Variants in SLC5A8 observed in about 807,000 individuals in gnomAD.
The protein encoded by SLC5A8 is sodium-coupled monocarboxylate transporter 1.
Under a neutral mutation model 71.9 loss-of-function variants are expected in SLC5A8, and 55 were observed. That is an observed-to-expected ratio of 0.77 (90% CI 0.62 to 0.96). The LOEUF (loss-of-function observed/expected upper bound fraction) is 0.96. Ranked by LOEUF, SLC5A8 falls within the 40% of genes least tolerant of loss-of-function variation. SLC5A8 has a pLI of 0.00. For missense variants in SLC5A8, 701 were observed against 745.3 expected (o/e 0.94, Z 0.69); for synonymous variants, 307 against 276.1 (o/e 1.11, Z -1.11).
At chr12:101,205,155 T>C (rs1466241332) in intron 1 of SLC5A8, among the ~76,000 whole-genome samples, 1 of 152,178 alleles carries the variant, frequency 6.6e-6, no homozygotes, top group East Asian at 1.9e-4. Context: ...ATTGGGTATT[T>C]GAATCTTAAA....
chr12:101,179,320 T>G (rs2051910310), intron 10 of SLC5A8, among the ~76,000 whole-genome samples: 2 of 152,214 alleles, frequency 1.3e-5, no homozygotes, highest in Admixed American at 1.3e-4. Context: ...AAATGAAGAC[T>G]TATGCTCACA....
chr12:101,158,268 T>C lies in SLC5A8; in HGVS notation c.1691A>G (p.Asn564Ser), dbSNP rs1177418877. 2 of 1,589,986 alleles carry C rather than the reference T, an allele frequency of 1.3e-6. No homozygotes were observed. The highest frequency in any genetic ancestry group is 2.2e-5 in the East Asian group (1 of 44,464). The change falls in exon 14 of 15, where the codon AAT becomes AGT. Residue 564 changes from asparagine to serine, a missense_variant. Asn to Ser is a conservative substitution (Grantham distance 46). Coordinates refer to ENST00000536262, the MANE Select transcript of SLC5A8 (RefSeq NM_145913.5). ...YILTKEDFLS[N>S]FDIFKKKKHV... ...ACTCACTTTCTTAAAAATATCAAAA[T>C]TGGATAAAAAGTCCTCTTTGGTTAG... is the stretch of plus-strand genomic sequence containing the variant.
At chr12:101,177,991 C>T (rs568656159) in intron 10 of SLC5A8, among the ~76,000 whole-genome samples, 2 of 152,142 alleles carry the variant, frequency 1.3e-5, no homozygotes, top group South Asian at 4.1e-4. Context: ...AGGAATATAA[C>T]AAAACAAACT....
Position 101,165,942 on chromosome 12 carries a change from C to T in SLC5A8, c.1526+552G>A, listed in dbSNP as rs117030382. Among the ~76,000 whole-genome samples the T allele has an allele frequency of 8.7e-4, 132 of 152,244 alleles. 1 individual carries two copies. Among genetic ancestry groups the T allele is most frequent in the South Asian group, 5.8e-3 (28 of 4,826 alleles). On this transcript the variant is annotated intron_variant, in intron 12 of 14. Coordinates refer to ENST00000536262, the MANE Select transcript of SLC5A8 (RefSeq NM_145913.5). ...CATGCCTCTACCCACTATTTCAGTACGTTAAATCAGACAACTTCAGCATTT... is the reference window on the plus strand; with the variant it reads ...CATGCCTCTACCCACTATTTCAGTATGTTAAATCAGACAACTTCAGCATTT...
chr12:101,194,968 A>G, intron 4 of SLC5A8, 127 bp downstream of exon 4: 1 of 778,304 alleles, frequency 1.3e-6, no homozygotes, highest in Non-Finnish European at 2.1e-6. Context: ...AAAAAAAGTT[A>G]CACTGCAGGA....
At chr12:101,201,226 T>C (rs751681559) in intron 3 of SLC5A8, among the ~76,000 whole-genome samples, 3 of 152,228 alleles carry the variant, frequency 2.0e-5, no homozygotes, top group Non-Finnish European at 4.4e-5. Flanking sequence ...GTGATGTTGG[T>C]AATACCGATG....
At chr12:101,163,800 G>C (rs563945320) in intron 12 of SLC5A8, among the ~76,000 whole-genome samples, 1 of 152,318 alleles carries the variant, frequency 6.6e-6, no homozygotes, top group African/African-American at 2.4e-5. Context: ...GTAGAGAATT[G>C]AGAAATAGAC....
Position 101,157,287 on chromosome 12 carries a change from G to A in SLC5A8, c.1825C>T (p.Arg609Cys), listed in dbSNP as rs113062899. The change falls in exon 15 of 15, where the codon CGT becomes TGT. Residue 609 changes from arginine to cysteine, a missense_variant. By Grantham distance (180) the Arg-to-Cys change is radical. Transcript: ENST00000536262. ...CTAGTATCAGAGCAGCTTCACAAAC[G>A]AGTCCCATTGCTCTTGCCACTCTGA... ...SDQSGKSNGT[R>C]L is the part of the protein sequence containing the mutation. The A allele has an allele frequency of 1.9e-3, 3,029 of 1,612,462 alleles. 39 individuals are homozygous for A. In the African/African-American group the frequency reaches 0.034, roughly 18 times the overall value.
chr12:101,184,359 A>G, intron 7 of SLC5A8, 137 bp from the exon 8 acceptor site: 1 of 694,532 alleles, frequency 1.4e-6, no homozygotes. Flanking sequence ...CAAATACCTA[A>G]AATTAAACTG....
At chr12:101,204,789 T>C (rs908307068) in intron 1 of SLC5A8, among the ~76,000 whole-genome samples, 3 of 152,156 alleles carry the variant, frequency 2.0e-5, no homozygotes, top group Non-Finnish European at 2.9e-5. Context: ...GTAACCCCTG[T>C]CACAATCAGG....
At position 101,175,010 on chromosome 12, in the gene SLC5A8, G is replaced by A. The variant is rs559900397; in HGVS notation, c.1233+5019C>T. 2.4e-4 allele frequency among the ~76,000 whole-genome samples: 37 copies of A among 151,840 alleles called. No individual in the cohort carries two copies. In the South Asian group the frequency reaches 7.7e-3, roughly 32 times the overall value. On this transcript the variant is annotated intron_variant, in intron 10 of 14. Coordinates refer to ENST00000536262, the MANE Select transcript of SLC5A8 (RefSeq NM_145913.5). ...TTGATAAAAAATTTAAAACAGCCAT[G>A]ATTTAAAAAATGCTTTAACAATTAG...
At position 101,209,589 on chromosome 12, in the gene SLC5A8, A is replaced by G. The variant is rs753759875; in HGVS notation, c.260T>C (p.Ile87Thr). ...EVYRFGAIFSIFAFTYFFVVV... is the reference protein window; with the variant it reads ...EVYRFGAIFSTFAFTYFFVVV... ...CACAAAGAAGTAGGTGAAGGCAAAGATGCTAAAAATGGCCCCAAAACGGTA... is the reference window on the plus strand; with the variant it reads ...CACAAAGAAGTAGGTGAAGGCAAAGGTGCTAAAAATGGCCCCAAAACGGTA... Residue 87 changes from isoleucine (I) to threonine (T), a missense_variant, in exon 1 of 15, where the codon ATC becomes ACC. Coordinates refer to ENST00000536262, the MANE Select transcript of SLC5A8 (RefSeq NM_145913.5). 3 of 1,613,956 alleles carry G rather than the reference A, an allele frequency of 1.9e-6. No individual in the cohort carries two copies. In the Admixed American group the frequency reaches 5.0e-5, roughly 27 times the overall value.
intron 10 of SLC5A8, among the ~76,000 whole-genome samples, chr12:101,172,316 A>G (rs2051837317): frequency 6.6e-6 from 1 of 152,132 alleles, no homozygotes; most frequent in African/African-American, 2.4e-5. Flanking sequence ...CAGGGCAGGA[A>G]TGTTAGCAGT....
intron 7 of SLC5A8, among the ~76,000 whole-genome samples, chr12:101,186,134 T>C (rs1358843425): frequency 6.6e-6 from 1 of 152,046 alleles, no homozygotes; most frequent in African/African-American, 2.4e-5. Flanking sequence ...TTACAAACTT[T>C]TTTTTAAAGT....
At chr12:101,166,467 A>G (rs751066073) in intron 12 of SLC5A8, 27 bp downstream of exon 12, 8 of 1,588,280 alleles carry the variant, frequency 5.0e-6, no homozygotes, top group Non-Finnish European at 6.0e-6. Flanking sequence ...TTTTTAAAGT[A>G]TAATGTAATA....
At chr12:101,185,570 T>G (rs924526577) in intron 7 of SLC5A8, among the ~76,000 whole-genome samples, 1 of 151,498 alleles carries the variant, frequency 6.6e-6, no homozygotes, top group African/African-American at 2.4e-5. Flanking sequence ...GGATAAGGGG[T>G]TTTTTTGTAT....
At position 101,209,989 on chromosome 12, in the gene SLC5A8, G is replaced by A. The variant is rs1180840044; in HGVS notation, c.-141C>T. ...GGACTGGAGGCGTCCTCCAGGTGTC[G>A]GCCTCCGAACGCACCCCGAGGCGGG... On this transcript the variant is annotated 5_prime_UTR_variant, in exon 1 of 15. Transcript: ENST00000536262. The A allele has an allele frequency of 8.3e-6, 6 of 723,654 alleles. No individual in the cohort carries two copies. The highest frequency in any genetic ancestry group is 4.7e-5 in the South Asian group (2 of 42,164). 44.8% of individuals were successfully genotyped at this position (723,654 alleles called of 1,614,324 possible).
chr12:101,168,284 T>C, intron 10 of SLC5A8, 102 bp from the exon 11 acceptor site: 3 of 1,118,328 alleles, frequency 2.7e-6, no homozygotes, highest in Non-Finnish European at 3.8e-6. Context: ...TTCGGCCTCC[T>C]TCTGAAAATC....
rs537136727 is a variant in SLC5A8 at position 101,167,288 on chromosome 12, T to C, written c.1321-589A>G. Among the ~76,000 whole-genome samples the C allele has an allele frequency of 4.6e-5, 7 of 152,346 alleles. No individual in the cohort carries two copies. In the East Asian group the frequency reaches 9.6e-4, roughly 21 times the overall value. ...AAGCAGCTTTTCATATGACATTTCATTGAGGATAATAAATAATAACCACAA... is the reference window on the plus strand; with the variant it reads ...AAGCAGCTTTTCATATGACATTTCACTGAGGATAATAAATAATAACCACAA... On this transcript the variant is annotated intron_variant, in intron 11 of 14. Transcript: ENST00000536262.
Sources: gnomAD v4.1 joint callset for allele counts (sites outside exome capture counted in the v4.1 genomes callset) on GRCh38, gnomAD v4.1.1 for gene constraint, MANE v1.5 for transcripts, NCBI Gene and HGNC (gene_info 2026-07-23, HGNC 2026-07-21) for gene names.